UVRAG: variants seen among roughly 807,000 people sequenced by gnomAD.
The protein encoded by UVRAG is UV radiation resistance-associated gene protein.
In UVRAG, 19 loss-of-function variants were observed where a neutral mutation model predicts 78.0. That is an observed-to-expected ratio of 0.24 (90% CI 0.17 to 0.36). The LOEUF (loss-of-function observed/expected upper bound fraction) is 0.36, where lower values mean the gene tolerates loss of function less well. Ranked by LOEUF, UVRAG falls within the 10% of genes least tolerant of loss-of-function variation. UVRAG has a pLI of 1.00. For synonymous variants in UVRAG, 323 were observed against 324.6 expected, an observed-to-expected ratio of 1.00 and a Z score of 0.05; for missense variants, 740 against 853.8, an observed-to-expected ratio of 0.87 and a Z score of 1.66.
At chr11:76,020,649 C>CTTTTTTTTTTTTTTTTTTTTTTTTT (rs35112254) in intron 12 of UVRAG, among the ~76,000 whole-genome samples, 1 of 52,250 alleles carries the variant, frequency 1.9e-5, no homozygotes, top group Non-Finnish European at 3.6e-5. Context: ...AAGAAGGAGT[C>CTTTTTTTTTTTTTTTTTTTTTTTTT]TTTTTTTTTT....
intron 13 of UVRAG, among the ~76,000 whole-genome samples, chr11:76,077,411 A>G (rs1330895009): frequency 1.3e-5 from 2 of 151,896 alleles, no homozygotes; most frequent in East Asian, 3.9e-4. Flanking sequence ...TGATTACTGT[A>G]CTCTTTGATT....
intron 6 of UVRAG, among the ~76,000 whole-genome samples, chr11:75,919,278 C>G (rs1010526066): frequency 2.0e-5 from 3 of 151,834 alleles, no homozygotes; most frequent in Non-Finnish European, 4.4e-5. Context: ...TGCAGTTATA[C>G]AGAATACAGC....
At chr11:76,087,609 A>G (rs1951612168) in intron 13 of UVRAG, among the ~76,000 whole-genome samples, 3 of 152,198 alleles carry the variant, frequency 2.0e-5, no homozygotes. Flanking sequence ...CGGAAAAATT[A>G]AACAAATTGC....
At chr11:75,822,896 C>A (rs1404292703) in intron 1 of UVRAG, among the ~76,000 whole-genome samples, 7 of 151,984 alleles carry the variant, frequency 4.6e-5, no homozygotes, top group Admixed American at 1.3e-4. Flanking sequence ...CAGTCTTCAG[C>A]CCCTCTCCCC....
intron 6 of UVRAG, among the ~76,000 whole-genome samples, chr11:75,923,003 C>CATATATATATATATAT (rs147448761): frequency 7.9e-5 from 11 of 138,770 alleles, no homozygotes; most frequent in African/African-American, 2.9e-4. Flanking sequence ...TATATTTTTT[C>CATATATATATATATAT]ATATATATAT....
chr11:75,839,939 A>T (rs1366547141), intron 1 of UVRAG, among the ~76,000 whole-genome samples: 1 of 151,800 alleles, frequency 6.6e-6, no homozygotes, highest in Non-Finnish European at 1.5e-5. Context: ...CACTTCAATA[A>T]CTATTAACTC....
At position 75,979,068 on chromosome 11, in the gene UVRAG, TTC is replaced by T. The variant is rs565377917; in HGVS notation, c.700-4317_700-4316del. On this transcript the variant is annotated intron_variant, in intron 7 of 14. Transcript: ENST00000356136. ...GATGGGGTTTTGGTGTGGATATCCT[TTC>T]TGTTTGTTAGTTTTCCTTCTAACAC... Among the ~76,000 whole-genome samples, 10 of 152,298 alleles carry T rather than the reference TTC, an allele frequency of 6.6e-5. No individual in the cohort carries two copies. The South Asian group carries it at 2.1e-3, about 32-fold the overall frequency.
intron 13 of UVRAG, among the ~76,000 whole-genome samples, chr11:76,102,057 A>G (rs975505937): frequency 6.6e-6 from 1 of 152,066 alleles, no homozygotes; most frequent in African/African-American, 2.4e-5. Context: ...TGCCTTGGCT[A>G]TTCAGCCTCT....
intron 1 of UVRAG, chr11:75,835,267 G>T (rs1299986965): frequency 6.6e-6 from 1 of 152,134 alleles, no homozygotes; most frequent in Non-Finnish European, 1.5e-5. Context: ...GAGCAAATTT[G>T]ATCTGTAACT....
chr11:76,107,268 T>C (rs1315045880), intron 13 of UVRAG, among the ~76,000 whole-genome samples: 1 of 152,174 alleles, frequency 6.6e-6, no homozygotes, highest in African/African-American at 2.4e-5. Context: ...ACATATGATA[T>C]AAAGAAAAGA....
chr11:76,049,531 T>C (rs191116421), intron 12 of UVRAG, among the ~76,000 whole-genome samples: 4 of 152,324 alleles, frequency 2.6e-5, no homozygotes, highest in Admixed American at 6.5e-5. Context: ...AAATCTTGTA[T>C]GAAATGAAAT....
chr11:76,092,530 C>G (rs989760875), intron 13 of UVRAG, among the ~76,000 whole-genome samples: 3 of 152,200 alleles, frequency 2.0e-5, no homozygotes, highest in African/African-American at 7.2e-5. Flanking sequence ...GATCGCCATT[C>G]TAATTGGCGT....
At chr11:75,862,508 C>CT (rs1006696346) in intron 3 of UVRAG, among the ~76,000 whole-genome samples, 1 of 152,210 alleles carries the variant, frequency 6.6e-6, no homozygotes, top group African/African-American at 2.4e-5. Flanking sequence ...TCCACCTCAT[C>CT]TCCTCCTCTT....
chr11:75,964,396 G>A (rs1948969897), intron 7 of UVRAG, among the ~76,000 whole-genome samples: 1 of 152,140 alleles, frequency 6.6e-6, no homozygotes, highest in Non-Finnish European at 1.5e-5. Flanking sequence ...GAAGGTTTTT[G>A]AACTGGAAAT....
At chr11:75,824,841 T>C (rs973996940) in intron 1 of UVRAG, among the ~76,000 whole-genome samples, 2 of 151,352 alleles carry the variant, frequency 1.3e-5, no homozygotes, top group African/African-American at 4.9e-5. Context: ...GCCCGGCTAA[T>C]TTTTTGTATT....
At chr11:76,122,001 G>C (rs1952288654) in intron 14 of UVRAG, among the ~76,000 whole-genome samples, 1 of 152,176 alleles carries the variant, frequency 6.6e-6, no homozygotes, top group African/African-American at 2.4e-5. Context: ...CATTACAGAA[G>C]CCAGGGAGGC....
intron 8 of UVRAG, among the ~76,000 whole-genome samples, chr11:76,000,179 A>G (rs990195251): frequency 6.6e-6 from 1 of 152,260 alleles, no homozygotes; most frequent in Non-Finnish European, 1.5e-5. Context: ...TAATCATAAC[A>G]ATGTTTATAT....
intron 1 of UVRAG, among the ~76,000 whole-genome samples, chr11:75,844,109 A>C (rs906444886): frequency 1.3e-5 from 2 of 152,212 alleles, no homozygotes; most frequent in Non-Finnish European, 2.9e-5. Context: ...CTGCAGGTAG[A>C]GTTAACTCTA....
intron 13 of UVRAG, among the ~76,000 whole-genome samples, chr11:76,096,753 C>A (rs1159548598): frequency 6.6e-6 from 1 of 152,154 alleles, no homozygotes; most frequent in African/African-American, 2.4e-5. Context: ...GCCACCAGAG[C>A]CTGTTCCACA....
Sources: gnomAD v4.1 joint callset for allele counts (sites outside exome capture counted in the v4.1 genomes callset) on GRCh38, gnomAD v4.1.1 for gene constraint, MANE v1.5 for transcripts, NCBI Gene and HGNC (gene_info 2026-07-23, HGNC 2026-07-21) for gene names.